The following CCDC171 variants were observed in gnomAD, a reference collection of about 807,000 sequenced individuals.
CCDC171 encodes the protein coiled-coil domain-containing protein 171.
In CCDC171, 177 loss-of-function variants were observed where a neutral mutation model predicts 168.2. The ratio of observed to expected loss-of-function variants is 1.05; its 90% CI spans 0.93 to 1.19. The LOEUF (loss-of-function observed/expected upper bound fraction) is 1.19. CCDC171 is among the 50% of genes most tolerant of loss of function. The pLI is 0.00. For missense variants in CCDC171, 1,991 were observed against 1,539.0 expected (o/e 1.29, Z -4.91); for synonymous variants, 687 against 540.8 (o/e 1.27, Z -3.75).
chr9:15,847,601 G>A (rs1359881995), intron 22 of CCDC171, among the ~76,000 whole-genome samples: 2 of 151,946 alleles, frequency 1.3e-5, no homozygotes, highest in South Asian at 2.1e-4. Flanking sequence ...CTATTTTCAA[G>A]GAGTAAAGAA....
chr9:15,915,542 A>G (rs1824382377), intron 24 of CCDC171, among the ~76,000 whole-genome samples: 1 of 152,146 alleles, frequency 6.6e-6, no homozygotes, highest in Non-Finnish European at 1.5e-5. Flanking sequence ...TCTGGATAGA[A>G]GAATATATCA....
intron 25 of CCDC171, among the ~76,000 whole-genome samples, chr9:15,955,822 C>T (rs1829745425): frequency 6.6e-6 from 1 of 151,994 alleles, no homozygotes; most frequent in Admixed American, 6.6e-5. Flanking sequence ...CTATCAGGGA[C>T]TTATAGCTTT....
intron 6 of CCDC171, among the ~76,000 whole-genome samples, chr9:15,601,327 A>G (rs2042836311): frequency 1.3e-5 from 2 of 152,160 alleles, no homozygotes. Context: ...AACATTGGAA[A>G]TTCTGAATTT....
intron 1 of CCDC171, among the ~76,000 whole-genome samples, chr9:15,562,984 C>G (rs1484403353): frequency 6.6e-6 from 1 of 151,998 alleles, no homozygotes; most frequent in Non-Finnish European, 1.5e-5. Flanking sequence ...GATGAGTTTT[C>G]TTATAAAGTG....
chr9:15,808,304 G>A (rs930252995), intron 21 of CCDC171, among the ~76,000 whole-genome samples: 8 of 152,220 alleles, frequency 5.3e-5, no homozygotes, highest in African/African-American at 7.2e-5. Context: ...GAGAATTTAC[G>A]GTAATACTAA....
intron 4 of CCDC171, among the ~76,000 whole-genome samples, chr9:15,588,102 G>A (rs979327360): frequency 6.6e-6 from 1 of 152,142 alleles, no homozygotes; most frequent in Non-Finnish European, 1.5e-5. Context: ...AGGCGTGGTG[G>A]CAAGTGCCTG....
intron 4 of CCDC171, chr9:16,020,934 A>G (rs1017370724): frequency 3.3e-5 from 5 of 152,266 alleles, no homozygotes; most frequent in Admixed American, 2.6e-4. Context: ...TAATTACTGA[A>G]CAAATGAAGT....
chr9:16,094,811 T>G, the CCDC171 span, among the ~76,000 whole-genome samples: 5 of 152,342 alleles, frequency 3.3e-5, no homozygotes, highest in Admixed American at 2.0e-4. Flanking sequence ...GAAAGCAGTG[T>G]GATAGATTTG....
At chr9:16,044,730 T>G (rs1443557842) in intron 1 of CCDC171, among the ~76,000 whole-genome samples, 1 of 152,152 alleles carries the variant, frequency 6.6e-6, no homozygotes, top group Non-Finnish European at 1.5e-5. Flanking sequence ...CTGGGCCTCA[T>G]GCACTCCCTG....
chr9:15,598,724 G>C (rs1169199377), intron 6 of CCDC171, among the ~76,000 whole-genome samples: 1 of 152,080 alleles, frequency 6.6e-6, no homozygotes, highest in Non-Finnish European at 1.5e-5. Context: ...CTGTCTCATT[G>C]ATCTGTCTAA....
chr9:15,570,260 T>C (rs2040118487), intron 2 of CCDC171, among the ~76,000 whole-genome samples: 1 of 152,182 alleles, frequency 6.6e-6, no homozygotes, highest in South Asian at 2.1e-4. Flanking sequence ...CGTGAGCCAC[T>C]GCACCTGGCT....
intron 11 of CCDC171, among the ~76,000 whole-genome samples, chr9:15,701,005 A>C (rs1051746089): frequency 6.6e-6 from 1 of 152,054 alleles, no homozygotes; most frequent in Non-Finnish European, 1.5e-5. Flanking sequence ...GAGCATTTTA[A>C]AATATACTCA....
At chr9:15,679,288 C>T (rs944734384) in intron 10 of CCDC171, among the ~76,000 whole-genome samples, 1 of 152,028 alleles carries the variant, frequency 6.6e-6, no homozygotes. Flanking sequence ...CTCTCCATTC[C>T]CCAGTAATCT....
At chr9:16,001,768 A>T (rs888914375) in intron 3 of CCDC171, among the ~76,000 whole-genome samples, 3 of 152,034 alleles carry the variant, frequency 2.0e-5, no homozygotes, top group African/African-American at 7.2e-5. Flanking sequence ...AAAGTCTGGC[A>T]CTAAAATTAT....
chr9:15,749,220 A>C (rs1337092346), intron 18 of CCDC171, among the ~76,000 whole-genome samples: 2 of 152,220 alleles, frequency 1.3e-5, no homozygotes, highest in African/African-American at 2.4e-5. Context: ...CGAAAGAGAC[A>C]AAGAAGGCCA....
downstream of CCDC171, among the ~76,000 whole-genome samples, chr9:15,977,120 AT>A (rs909616403): frequency 2.0e-5 from 3 of 152,156 alleles, no homozygotes; most frequent in Admixed American, 6.5e-5. Context: ...TACCTTAGCA[AT>A]TTTATTACGA....
the CCDC171 span, among the ~76,000 whole-genome samples, chr9:16,092,165 GGGACCACTCCA>G: frequency 6.6e-6 from 1 of 152,220 alleles, no homozygotes; most frequent in African/African-American, 2.4e-5. Context: ...TATCAGCTCT[GGGACCACTCCA>G]GGTTTCCTTC....
At chr9:15,734,901 C>G (rs2054389446) in intron 16 of CCDC171, among the ~76,000 whole-genome samples, 1 of 152,110 alleles carries the variant, frequency 6.6e-6, no homozygotes, top group South Asian at 2.1e-4. Flanking sequence ...TGAGCATAAC[C>G]ATAAGTATAT....
rs547960871 is a variant in CCDC171 at position 15,710,635 on chromosome 9, C to T, written c.1319-11134C>T. On this transcript the variant is annotated intron_variant, in intron 11 of 25. Coordinates refer to ENST00000380701, the MANE Select transcript of CCDC171 (RefSeq NM_173550.4). Reference sequence around the variant, plus strand: ...TTTTTTGAGATGGAGTCTCACTCTTCTCCAGGCTGGAGTACGGTGGCACAA... The same window carrying T: ...TTTTTTGAGATGGAGTCTCACTCTTTTCCAGGCTGGAGTACGGTGGCACAA... Among the ~76,000 whole-genome samples the T allele has an allele frequency of 3.3e-5, 5 of 151,240 alleles. No homozygotes were observed. The East Asian group carries it at 5.9e-4, about 18-fold the overall frequency.
Sources: allele counts gnomAD v4.1 joint callset (sites outside exome capture counted in the v4.1 genomes callset), GRCh38; gene constraint gnomAD v4.1.1; transcripts MANE v1.5; gene names NCBI Gene and HGNC (gene_info 2026-07-23, HGNC 2026-07-21).